Variants in TUBB4A observed in about 807,000 individuals in gnomAD.
TUBB4A encodes tubulin beta-4A chain.
In TUBB4A, 13 loss-of-function variants were observed where a neutral mutation model predicts 35.1. That is an observed-to-expected ratio of 0.37 (90% CI 0.24 to 0.59). TUBB4A has a LOEUF of 0.59. TUBB4A is among the 20% of genes least tolerant of loss of function. The probability of loss-of-function intolerance (pLI) is 0.71; values close to 1 mark genes in which losing one functional copy is unlikely to be tolerated. For missense variants in TUBB4A, 299 were observed against 647.2 expected (o/e 0.46, Z 5.84); for synonymous variants, 279 against 272.4 (o/e 1.02, Z -0.24).
In TUBB4A at chr19:6,501,826, C is replaced by A. The variant is rs1230458014; in HGVS notation, c.58-203G>T. The A allele has an allele frequency of 3.4e-6, 2 of 592,212 alleles. No individual in the cohort carries two copies. The highest frequency in any genetic ancestry group is 3.1e-5 in the Admixed American group (1 of 31,750). 36.7% of individuals were successfully genotyped at this position (592,212 alleles called of 1,614,324 possible). On this transcript the variant is annotated intron_variant, in intron 1 of 3. Transcript: ENST00000264071. This position sits in a 1 kb window ranked among gnomAD's most constrained non-coding sequence, Gnocchi z 4.2. ...GGGGTGCAGCCGAGTCAGCACCCAGCGGGGCCGGCTGGTGCCAGCGCACCC... is the reference window on the plus strand; with the variant it reads ...GGGGTGCAGCCGAGTCAGCACCCAGAGGGGCCGGCTGGTGCCAGCGCACCC...
chr19:6,497,880 G>A (rs1286019695), intron 3 of TUBB4A, among the ~76,000 whole-genome samples: 2 of 111,832 alleles, frequency 1.8e-5, no homozygotes, highest in Admixed American at 1.3e-4. Flanking sequence ...CAGCCTGGGC[G>A]ACAGCAAGAC....
Position 6,495,414 on chromosome 19 carries a change from T to G in TUBB4A, c.1085A>C (p.Lys362Thr). The G allele has an allele frequency of 6.2e-7, 1 of 1,614,088 alleles. No homozygotes were observed. The highest frequency in any genetic ancestry group is 8.5e-7 in the Non-Finnish European group (1 of 1,180,020). ...GTTGCCGATGAAGGTCGCGGCCATC[T>G]TCAGGCCGCGGGGCGGGATGTCGCA... ...AVCDIPPRGL[K>T]MAATFIGNST... The change falls in exon 4 of 4, where the codon AAG (lysine) becomes ACG (threonine). Residue 362 changes from lysine (K) to threonine (T), a missense_variant. Transcript: ENST00000264071. This position sits in a 1 kb window ranked among gnomAD's most constrained non-coding sequence, Gnocchi z 8.7.
At chr19:6,502,344 G>A, upstream of TUBB4A, 1 of 1,025,016 alleles carries the variant, frequency 9.8e-7, no homozygotes, top group Non-Finnish European at 1.3e-6. Flanking sequence ...TATATGAGCG[G>A]GCGGGGCACG....
In TUBB4A at chr19:6,502,150, G is replaced by A; in HGVS notation, c.57+6C>T. ...ACTGCCTCCCCGGGCCCCGTTCCCC[G>A]AGCACCTTGGCCCCGATCTGGTTGC... On this transcript the variant is annotated splice_donor_region_variant and intron_variant, in intron 1 of 3. Coordinates refer to ENST00000264071, the MANE Select transcript of TUBB4A (RefSeq NM_006087.4). 9 of 1,568,676 alleles carry A rather than the reference G, an allele frequency of 5.7e-6. No individual in the cohort carries two copies. Among genetic ancestry groups the A allele is most frequent in the African/African-American group, 1.4e-5 (1 of 71,742 alleles).
chr19:6,499,948 T>C (rs951802219), intron 3 of TUBB4A, among the ~76,000 whole-genome samples: 4 of 152,016 alleles, frequency 2.6e-5, no homozygotes, highest in Non-Finnish European at 5.9e-5. Flanking sequence ...TGTGCCACCA[T>C]GCCTGGCTAA....
chr19:6,502,583 A>C, upstream of TUBB4A: 1 of 228,112 alleles, frequency 4.4e-6, no homozygotes, highest in East Asian at 9.9e-5. Context: ...ACCCGCAGAA[A>C]TTGGGCGGAG....
At chr19:6,502,315 C>T, upstream of TUBB4A, 1 of 1,321,058 alleles carries the variant, frequency 7.6e-7, no homozygotes, top group Non-Finnish European at 9.9e-7. Context: ...AGCACGGTCC[C>T]TGCGCCCCCG....
At chr19:6,496,321 T>C in intron 3 of TUBB4A, 100 bp from the exon 4 acceptor site, 1 of 1,128,606 alleles carries the variant, frequency 8.9e-7, no homozygotes, top group Non-Finnish European at 1.3e-6. Flanking sequence ...AGTTGAATAC[T>C]AGTAACTATC....
At position 6,501,279 on chromosome 19, in the gene TUBB4A, G is replaced by A; in HGVS notation, c.277+8C>T. 1 of 1,612,100 alleles carries A rather than the reference G, an allele frequency of 6.2e-7. No homozygotes were observed. Among genetic ancestry groups the A allele is most frequent in the Non-Finnish European group, 8.5e-7 (1 of 1,178,632 alleles). On this transcript the variant is annotated splice_region_variant and intron_variant, in intron 3 of 3. Transcript: ENST00000264071. The surrounding 1 kb of genome is among the most constrained non-coding windows in gnomAD (Gnocchi z 4.2). ...TTCCAGCCTCTGGCTCCCTGCTGGG[G>A]GACTCACCAAACACGAAGTTGTCCG...
rs764393051 is a variant in TUBB4A, at chr19:6,494,918, C to T, written c.*246G>A. ...GTTTCCAGAGTCAGAAGGGGTGAAG[C>T]GGGGCTCCTCCTGGGAATGTCAAGG... On this transcript the variant is annotated 3_prime_UTR_variant, in exon 4 of 4. Coordinates refer to ENST00000264071, the MANE Select transcript of TUBB4A (RefSeq NM_006087.4). 8 of 587,508 alleles carry T rather than the reference C, an allele frequency of 1.4e-5. No individual in the cohort carries two copies. The highest frequency in any genetic ancestry group is 3.0e-5 in the Admixed American group (1 of 33,218). 36.4% of individuals were successfully genotyped at this position (587,508 alleles called of 1,614,324 possible).
rs779449020 is a variant in TUBB4A at position 6,502,237 on chromosome 19, G to T, written c.-25C>A. 4.2e-5 allele frequency: 64 copies of T among 1,509,826 alleles called. No individual in the cohort carries two copies. Among genetic ancestry groups the T allele is most frequent in the Non-Finnish European group, 5.4e-5 (61 of 1,137,704 alleles). The allele number at this position is 1,509,826 out of a possible 1,614,324, so 93.5% of individuals were successfully genotyped here. ...TGGCGGTGGCGCTGAGGGTGGACGC[G>T]GCGGCGGTGGCACGAGCGCGGGGAG... On this transcript the variant is annotated 5_prime_UTR_variant, in exon 1 of 4. Transcript: ENST00000264071.
intron 3 of TUBB4A, among the ~76,000 whole-genome samples, chr19:6,496,994 CAAAAAAAAAAAAA>C (rs1211809546): frequency 1.8e-4 from 2 of 10,934 alleles, no homozygotes; most frequent in African/African-American, 2.7e-4. Context: ...CATGTCTCTA[CAAAAAAAAAAAAA>C]AAAAAAAAAA....
chr19:6,498,871 C>T (rs146865537), intron 3 of TUBB4A, among the ~76,000 whole-genome samples: 4 of 152,274 alleles, frequency 2.6e-5, no homozygotes, highest in African/African-American at 7.2e-5. Context: ...AGTTTTGTGG[C>T]CGTGGCCCAT....
At chr19:6,497,128 G>A (rs1914286490) in intron 3 of TUBB4A, among the ~76,000 whole-genome samples, 1 of 137,814 alleles carries the variant, frequency 7.3e-6, no homozygotes, top group South Asian at 2.4e-4. Context: ...TCAGGTGGGA[G>A]ATTGCTTGAG....
At chr19:6,499,642 T>C (rs1347169521) in intron 3 of TUBB4A, among the ~76,000 whole-genome samples, 1 of 152,208 alleles carries the variant, frequency 6.6e-6, no homozygotes, top group African/African-American at 2.4e-5. Flanking sequence ...GTCTTAAACA[T>C]CTTTCCTCCC....
Position 6,496,167 on chromosome 19 carries a change from T to C in TUBB4A, c.332A>G (p.Glu111Gly). The change falls in exon 4 of 4, where the codon GAG (glutamate) becomes GGG (glycine). Residue 111 changes from glutamate (E) to glycine (G), a missense_variant. Around this residue, in one of 5 missense-constraint regions of TUBB4A, gnomAD observed 123 missense variants for 226.0 expected, o/e 0.54. Coordinates refer to ENST00000264071, the MANE Select transcript of TUBB4A (RefSeq NM_006087.4). Reference protein sequence around the residue: ...WAKGHYTEGAELVDAVLDVVR... With the variant: ...WAKGHYTEGAGLVDAVLDVVR... ...TACGTCCAGGACAGCGTCCACCAGC[T>C]CTGCGCCCTCCGTGTAGTGCCCCTT... 6.2e-7 allele frequency: 1 copy of C among 1,614,078 alleles called. No homozygotes were observed. Among genetic ancestry groups the C allele is most frequent in the Admixed American group, 1.7e-5 (1 of 59,990 alleles).
At chr19:6,500,304 T>G (rs979987781) in intron 3 of TUBB4A, among the ~76,000 whole-genome samples, 1 of 150,770 alleles carries the variant, frequency 6.6e-6, no homozygotes, top group Admixed American at 6.6e-5. Flanking sequence ...AATTAAAATT[T>G]TTTTCTTTTT....
Position 6,501,987 on chromosome 19 carries a change from C to T in TUBB4A, c.57+169G>A, listed in dbSNP as rs11672092. Among the ~76,000 whole-genome samples, 31,046 of 152,042 alleles carry T rather than the reference C, an allele frequency of 0.2. 3,378 individuals carry two copies. The highest frequency in any genetic ancestry group is 0.22 in the Admixed American group (3,433 of 15,292). Reference sequence around the variant, plus strand: ...GCAGCCTCTTTGTTCCCAGTCTGGCCCTGCCACCCCCACCCCGCGACCCTT... The same window carrying T: ...GCAGCCTCTTTGTTCCCAGTCTGGCTCTGCCACCCCCACCCCGCGACCCTT... On this transcript the variant is annotated intron_variant, in intron 1 of 3. Coordinates refer to ENST00000264071, the MANE Select transcript of TUBB4A (RefSeq NM_006087.4). The surrounding 1 kb of genome is among the most constrained non-coding windows in gnomAD (Gnocchi z 4.2).
At position 6,501,245 on chromosome 19, in the gene TUBB4A, AAGG is replaced by A. The variant is rs1914516609; in HGVS notation, c.277+39_277+41del. ...TTGACTCTGTGGTGTTAGCAGGAAT[AAGG>A]AGGTTTTCCAGCCTCTGGCTCCCTG... On this transcript the variant is annotated intron_variant, in intron 3 of 3. Transcript: ENST00000264071. The surrounding 1 kb of genome is among the most constrained non-coding windows in gnomAD (Gnocchi z 4.2). 1 of 1,544,070 alleles carries A rather than the reference AAGG, an allele frequency of 6.5e-7. No homozygotes were observed. The highest frequency in any genetic ancestry group is 1.1e-5 in the South Asian group (1 of 87,188).
Sources: allele counts gnomAD v4.1 joint callset (sites outside exome capture counted in the v4.1 genomes callset), GRCh38; gene constraint gnomAD v4.1.1; regional missense constraint gnomAD v4.1.1; non-coding constraint Gnocchi (gnomAD v3.1); transcripts MANE v1.5; gene names NCBI Gene and HGNC (gene_info 2026-07-23, HGNC 2026-07-21).